Variants in LINGO2 observed in about 807,000 individuals in gnomAD.
The protein encoded by LINGO2 is leucine-rich repeat and immunoglobulin-like domain-containing nogo receptor-interacting protein 2.
In LINGO2, 14 loss-of-function variants were observed where a neutral mutation model predicts 30.6. That is an observed-to-expected ratio of 0.46 (90% CI 0.30 to 0.72). The LOEUF (loss-of-function observed/expected upper bound fraction) is 0.72, where lower values mean the gene tolerates loss of function less well. Among genes scored for constraint, LINGO2 ranks in the 30% least tolerant of loss-of-function variants. The probability of loss-of-function intolerance (pLI) is 0.07; values close to 1 mark genes in which losing one functional copy is unlikely to be tolerated. For synonymous variants in LINGO2, 317 were observed against 288.5 expected (o/e 1.10, Z -1.00); for missense variants, 729 against 751.7 (o/e 0.97, Z 0.35).
the LINGO2 span, among the ~76,000 whole-genome samples, chr9:28,725,416 G>A: frequency 6.6e-6 from 1 of 151,800 alleles, no homozygotes; most frequent in Non-Finnish European, 1.5e-5. Context: ...AGGATTGAAG[G>A]TATTCAACAC....
the LINGO2 span, among the ~76,000 whole-genome samples, chr9:28,886,680 T>C: frequency 1.3e-5 from 2 of 152,168 alleles, no homozygotes; most frequent in African/African-American, 2.4e-5. Context: ...AAAGTCTGTT[T>C]TTCTCTCTAT....
intron 2 of LINGO2, among the ~76,000 whole-genome samples, chr9:28,457,907 C>A (rs1445849934): frequency 6.6e-6 from 1 of 152,106 alleles, no homozygotes; most frequent in Non-Finnish European, 1.5e-5. Flanking sequence ...ATTAATAACA[C>A]AACTCAGCCA....
the LINGO2 span, among the ~76,000 whole-genome samples, chr9:28,875,540 T>C: frequency 6.6e-6 from 1 of 152,090 alleles, no homozygotes. Context: ...CCTGGATTTT[T>C]TAAATCCAGG....
At chr9:28,280,675 C>T (rs1823289910) in intron 4 of LINGO2, among the ~76,000 whole-genome samples, 2 of 152,200 alleles carry the variant, frequency 1.3e-5, no homozygotes, top group Middle Eastern at 3.4e-3. Context: ...GTTGGTTATG[C>T]ATTTCAGACA....
At chr9:28,179,408 AG>A (rs1157751932) in intron 4 of LINGO2, among the ~76,000 whole-genome samples, 3 of 128,714 alleles carry the variant, frequency 2.3e-5, no homozygotes, top group African/African-American at 5.7e-5. Flanking sequence ...TATAGTATAT[AG>A]TATACTATAT....
At chr9:28,521,016 C>T (rs1037406563) in intron 1 of LINGO2, among the ~76,000 whole-genome samples, 1 of 152,078 alleles carries the variant, frequency 6.6e-6, no homozygotes, top group African/African-American at 2.4e-5. Context: ...ATGTTTAAAT[C>T]CCTACAATTA....
the LINGO2 span, among the ~76,000 whole-genome samples, chr9:29,034,794 TAA>T: frequency 3.3e-5 from 5 of 152,180 alleles, no homozygotes; most frequent in Admixed American, 6.6e-5. Flanking sequence ...GACCCTGTGG[TAA>T]GTCCTTCACC....
At chr9:28,430,827 GGTCAAGGT>G (rs1823638611) in intron 2 of LINGO2, among the ~76,000 whole-genome samples, 1 of 151,982 alleles carries the variant, frequency 6.6e-6, no homozygotes, top group African/African-American at 2.4e-5. Context: ...ATTACATTGT[GGTCAAGGT>G]GTTGACTGGG....
chr9:28,264,053 C>T (rs910228039), intron 4 of LINGO2, among the ~76,000 whole-genome samples: 5 of 135,684 alleles, frequency 3.7e-5, no homozygotes, highest in Admixed American at 7.2e-5. Flanking sequence ...CATTACAGTT[C>T]TGCTGTGAAG....
At chr9:28,125,099 C>T (rs1056440801) in intron 4 of LINGO2, among the ~76,000 whole-genome samples, 16 of 152,254 alleles carry the variant, frequency 1.1e-4, no homozygotes, top group Admixed American at 1.0e-3. Flanking sequence ...AGCCAGAAAA[C>T]ACAAAGTGAA....
chr9:28,163,878 A>C (rs1828356136), intron 4 of LINGO2, among the ~76,000 whole-genome samples: 1 of 152,192 alleles, frequency 6.6e-6, no homozygotes, highest in Non-Finnish European at 1.5e-5. Flanking sequence ...ATTTAACTTC[A>C]TGATGTAACC....
intron 1 of LINGO2, among the ~76,000 whole-genome samples, chr9:28,487,150 C>G (rs562694061): frequency 6.6e-6 from 1 of 152,248 alleles, no homozygotes; most frequent in African/African-American, 2.4e-5. Flanking sequence ...TGGAGACAGA[C>G]ATTGGTCCCC....
At position 28,108,695 on chromosome 9, in the gene LINGO2, G is replaced by T. The variant is rs543033623; in HGVS notation, c.-86-96290C>A. Among the ~76,000 whole-genome samples, 26 of 152,170 alleles carry T rather than the reference G, an allele frequency of 1.7e-4. No individual in the cohort carries two copies. In the South Asian group the frequency reaches 5.4e-3, roughly 32 times the overall value. ...TGGAACTATTAGTTCCTGGTAAAAA[G>T]AGTCCCAAAGGATGGAAACCAACAG... is the stretch of plus-strand genomic sequence containing the variant. On this transcript the variant is annotated intron_variant, in intron 4 of 5. Coordinates refer to ENST00000379992, the Ensembl canonical transcript of LINGO2.
chr9:28,405,925 G>A (rs1443642509), intron 2 of LINGO2, among the ~76,000 whole-genome samples: 2 of 152,048 alleles, frequency 1.3e-5, no homozygotes, highest in Non-Finnish European at 2.9e-5. Context: ...CAACCAAAGA[G>A]CATTTATTAA....
At chr9:29,123,674 T>C in the LINGO2 span, among the ~76,000 whole-genome samples, 7 of 152,094 alleles carry the variant, frequency 4.6e-5, no homozygotes, top group Non-Finnish European at 1.0e-4. Flanking sequence ...CAAATTTATA[T>C]TTTAATATCT....
At chr9:28,728,091 C>T in the LINGO2 span, among the ~76,000 whole-genome samples, 1 of 152,078 alleles carries the variant, frequency 6.6e-6, no homozygotes, top group African/African-American at 2.4e-5. Context: ...TCACTTATAA[C>T]AGAGAACTGG....
chr9:27,971,506 C>G (rs900905268), intron 5 of LINGO2, among the ~76,000 whole-genome samples: 2 of 152,122 alleles, frequency 1.3e-5, no homozygotes. Context: ...CTTCAGCCAC[C>G]CAAGTAGCTG....
chr9:28,919,438 CAT>C, the LINGO2 span, among the ~76,000 whole-genome samples: 1 of 152,232 alleles, frequency 6.6e-6, no homozygotes, highest in South Asian at 2.1e-4. Context: ...CCATGTATAA[CAT>C]AGCATGAAAT....
At chr9:28,835,038 G>A in the LINGO2 span, among the ~76,000 whole-genome samples, 1 of 152,188 alleles carries the variant, frequency 6.6e-6, no homozygotes, top group South Asian at 2.1e-4. Context: ...TTGCAGTAAA[G>A]GTTAAGAAAG....
Sources: allele counts gnomAD v4.1 joint callset (sites outside exome capture counted in the v4.1 genomes callset), GRCh38; gene constraint gnomAD v4.1.1; transcripts MANE v1.5; gene names NCBI Gene and HGNC (gene_info 2026-07-23, HGNC 2026-07-21).